Variants in SLAIN1 observed in about 807,000 individuals in gnomAD.
SLAIN1 encodes the protein SLAIN family member 1.
In SLAIN1, 17 loss-of-function variants were observed where a neutral mutation model predicts 55.4. The observed-to-expected ratio is 0.31, with a 90% confidence interval of 0.21 to 0.46. The LOEUF is 0.46. Among genes scored for constraint, SLAIN1 ranks in the 20% least tolerant of loss-of-function variants. The probability of loss-of-function intolerance (pLI) is 1.00; values close to 1 mark genes in which losing one functional copy is unlikely to be tolerated. For missense variants in SLAIN1, 682 were observed against 785.1 expected (o/e 0.87, Z 1.57); for synonymous variants, 348 against 337.4 (o/e 1.03, Z -0.35).
At chr13:77,744,618 C>G (rs1019916506) in intron 3 of SLAIN1, 186 bp downstream of exon 3, 1 of 793,056 alleles carries the variant, frequency 1.3e-6, no homozygotes, top group Non-Finnish European at 2.0e-6. Context: ...AGGACTTAGT[C>G]TGATGAAAAC....
intron 2 of SLAIN1, among the ~76,000 whole-genome samples, chr13:77,726,083 T>C (rs2091304878): frequency 6.6e-6 from 1 of 152,218 alleles, no homozygotes; most frequent in Admixed American, 6.5e-5. Flanking sequence ...TGCTAAGTTA[T>C]GAGAGAATGT....
At chr13:77,740,528 G>C (rs1447995210) in intron 2 of SLAIN1, among the ~76,000 whole-genome samples, 2 of 142,770 alleles carry the variant, frequency 1.4e-5, no homozygotes, top group East Asian at 4.4e-4. Context: ...TTTGCGAACC[G>C]CCCCCCCCCC....
intron 4 of SLAIN1, among the ~76,000 whole-genome samples, chr13:77,749,673 C>A (rs9600924): frequency 0.21 from 31,750 of 152,054 alleles, 3,428 homozygotes; most frequent in African/African-American, 0.23. Context: ...GAAGATAGAA[C>A]TAGAACATTA....
At chr13:77,703,050 T>G (rs2091046825) in intron 1 of SLAIN1, among the ~76,000 whole-genome samples, 1 of 152,080 alleles carries the variant, frequency 6.6e-6, no homozygotes, top group Non-Finnish European at 1.5e-5. Flanking sequence ...TGGTTCTATA[T>G]GAGAAAATGC....
chr13:77,705,250 T>G (rs2091077697), intron 1 of SLAIN1, among the ~76,000 whole-genome samples: 1 of 151,854 alleles, frequency 6.6e-6, no homozygotes, highest in South Asian at 2.1e-4. Context: ...ATTATTTTTG[T>G]TCTCCCAGCA....
Position 77,698,579 on chromosome 13 carries a change from CG to C in SLAIN1, c.626+45del. ...CGCTCCTTCCCCGAGACCCTGGCCT[CG>C]GGGGCTTCGGGCACCGGGGAGCGGG... On this transcript the variant is annotated intron_variant, in intron 1 of 6. Transcript: ENST00000418532. This position sits in a 1 kb window ranked among gnomAD's most constrained non-coding sequence, Gnocchi z 4.1. 3.7e-6 allele frequency: 5 copies of C among 1,363,258 alleles called. No individual in the cohort carries two copies. Among genetic ancestry groups the C allele is most frequent in the South Asian group, 1.8e-5 (1 of 55,860 alleles). The allele number at this position is 1,363,258 out of a possible 1,614,324, so 84.4% of individuals were successfully genotyped here.
At chr13:77,763,046 G>A in intron 6 of SLAIN1, 99 bp from the exon 7 acceptor site, 5 of 973,144 alleles carry the variant, frequency 5.1e-6, no homozygotes, top group Non-Finnish European at 8.0e-6. Context: ...TCTCATTACT[G>A]CAGTGGAAGA....
intron 1 of SLAIN1, among the ~76,000 whole-genome samples, chr13:77,710,607 C>T (rs924575854): frequency 6.6e-6 from 1 of 152,116 alleles, no homozygotes; most frequent in African/African-American, 2.4e-5. Context: ...TCTTAGAGAC[C>T]TACAAGGAGA....
At chr13:77,716,720 C>G (rs1820428165) in intron 1 of SLAIN1, among the ~76,000 whole-genome samples, 1 of 152,104 alleles carries the variant, frequency 6.6e-6, no homozygotes, top group African/African-American at 2.4e-5. Flanking sequence ...CTACATCAAT[C>G]TGGTATCTTA....
chr13:77,749,451 G>A (rs1047562204), intron 4 of SLAIN1, among the ~76,000 whole-genome samples: 1 of 152,120 alleles, frequency 6.6e-6, no homozygotes, highest in Non-Finnish European at 1.5e-5. Flanking sequence ...GACCTCCCCT[G>A]GAGCCTGTGT....
intron 5 of SLAIN1, among the ~76,000 whole-genome samples, chr13:77,759,545 T>C (rs1874854808): frequency 6.6e-6 from 1 of 152,204 alleles, no homozygotes; most frequent in African/African-American, 2.4e-5. Flanking sequence ...GCTTTCAACT[T>C]TTCCTCGTTC....
At chr13:77,744,716 C>G (rs1247642112) in intron 3 of SLAIN1, among the ~76,000 whole-genome samples, 1 of 152,002 alleles carries the variant, frequency 6.6e-6, no homozygotes, top group Non-Finnish European at 1.5e-5. Flanking sequence ...TTCCATGTGG[C>G]CCAGCAAACT....
At chr13:77,746,953 A>G (rs1454158049) in intron 4 of SLAIN1, 98 bp downstream of exon 4, 1 of 1,082,332 alleles carries the variant, frequency 9.2e-7, no homozygotes, top group Non-Finnish European at 1.3e-6. Context: ...TTGAGACAGA[A>G]TCTGTCTCTG....
chr13:77,727,585 A>C (rs1012299430), intron 2 of SLAIN1, among the ~76,000 whole-genome samples: 1 of 151,824 alleles, frequency 6.6e-6, no homozygotes, highest in African/African-American at 2.4e-5. Context: ...TGGGGGTTTC[A>C]GTCTGTTTTG....
rs567685026 is a variant in SLAIN1, at chr13:77,746,323, A to G, written c.917-191A>G. On this transcript the variant is annotated intron_variant, in intron 3 of 6. Transcript: ENST00000418532. ...TTTTTGCAAAACAGAATTGTCCAATATTAGATATCTGTTTCATAGGTAAAT... is the reference window on the plus strand; with the variant it reads ...TTTTTGCAAAACAGAATTGTCCAATGTTAGATATCTGTTTCATAGGTAAAT... Among the ~76,000 whole-genome samples, 4 of 152,286 alleles carry G rather than the reference A, an allele frequency of 2.6e-5. No individual in the cohort carries two copies. The East Asian group carries it at 5.8e-4, about 22-fold the overall frequency.
intron 1 of SLAIN1, among the ~76,000 whole-genome samples, chr13:77,710,292 TAAAG>T (rs1160667154): frequency 1.3e-5 from 2 of 152,018 alleles, no homozygotes; most frequent in Non-Finnish European, 2.9e-5. Context: ...GCAAATTGTA[TAAAG>T]AGTCAAGACC....
In SLAIN1 at chr13:77,744,308, C is replaced by A; in HGVS notation, c.792C>A (p.Leu264=). 6.2e-7 allele frequency: 1 copy of A among 1,612,812 alleles called. No homozygotes were observed. The change falls in exon 3 of 7, where the codon CTC becomes CTA. Residue 264 remains leucine (L), a synonymous_variant. Transcript: ENST00000418532. The part of the protein sequence containing the change: ...EQGYTSRGSP[L]SPQSSIDSEL... Reference sequence around the variant, plus strand: ...GTTACACTTCCAGGGGCTCCCCACTCAGTCCCCAGTCATCTATCGACAGTG... The same window carrying A: ...GTTACACTTCCAGGGGCTCCCCACTAAGTCCCCAGTCATCTATCGACAGTG...
At chr13:77,724,413 G>T (rs1355297428) in intron 2 of SLAIN1, among the ~76,000 whole-genome samples, 1 of 152,066 alleles carries the variant, frequency 6.6e-6, no homozygotes, top group African/African-American at 2.4e-5. Context: ...AGTCTCTTCC[G>T]CTTTTCATTT....
At chr13:77,755,809 A>G (rs1874560960) in intron 5 of SLAIN1, among the ~76,000 whole-genome samples, 1 of 152,170 alleles carries the variant, frequency 6.6e-6, no homozygotes, top group Non-Finnish European at 1.5e-5. Flanking sequence ...CCCAAGAAGA[A>G]TATTAAAGTG....
Sources: gnomAD v4.1 joint callset for allele counts (sites outside exome capture counted in the v4.1 genomes callset) on GRCh38, gnomAD v4.1.1 for gene constraint, Gnocchi (gnomAD v3.1) non-coding constraint, MANE v1.5 for transcripts, NCBI Gene and HGNC (gene_info 2026-07-23, HGNC 2026-07-21) for gene names.